Variants in LRMDA observed in about 807,000 individuals in gnomAD.
LRMDA encodes the protein leucine-rich melanocyte differentiation-associated protein.
LRMDA carries 18 observed loss-of-function variants against 29.8 expected under a neutral mutation model. That is an observed-to-expected ratio of 0.60 (90% CI 0.42 to 0.90). The LOEUF is 0.90. Among genes scored for constraint, LRMDA ranks in the 40% least tolerant of loss-of-function variants. The pLI is 0.00. For synonymous variants in LRMDA, 125 were observed against 109.4 expected (o/e 1.14, Z -0.89); for missense variants, 273 against 273.9 (o/e 1.00, Z 0.02).
intron 2 of LRMDA, among the ~76,000 whole-genome samples, chr10:75,748,804 A>G (rs1418375608): frequency 6.6e-6 from 1 of 152,244 alleles, no homozygotes; most frequent in Non-Finnish European, 1.5e-5. Flanking sequence ...TAAGACTCCT[A>G]TCTTCTAAAA....
At chr10:75,459,445 C>G (rs1003588784) in intron 2 of LRMDA, among the ~76,000 whole-genome samples, 9 of 152,174 alleles carry the variant, frequency 5.9e-5, no homozygotes, top group Non-Finnish European at 1.2e-4. Context: ...TATCACAGTG[C>G]TCAACTTCTC....
intron 2 of LRMDA, among the ~76,000 whole-genome samples, chr10:75,583,460 A>G (rs2132078577): frequency 6.6e-6 from 1 of 152,252 alleles, no homozygotes; most frequent in South Asian, 2.1e-4. Context: ...GGTAGCTGCT[A>G]CATACTTCTA....
chr10:75,969,389 CAT>C (rs1279952521), intron 2 of LRMDA, among the ~76,000 whole-genome samples: 1 of 152,196 alleles, frequency 6.6e-6, no homozygotes, highest in African/African-American at 2.4e-5. Flanking sequence ...AGAATTTTCA[CAT>C]GTGTTTAATC....
chr10:75,883,756 G>A (rs1845332574), intron 2 of LRMDA, among the ~76,000 whole-genome samples: 1 of 151,614 alleles, frequency 6.6e-6, no homozygotes, highest in Non-Finnish European at 1.5e-5. Flanking sequence ...TCAATTTAAT[G>A]ACGACAATTT....
chr10:76,147,542 C>CT (rs1181587294), intron 5 of LRMDA, among the ~76,000 whole-genome samples: 2 of 152,148 alleles, frequency 1.3e-5, no homozygotes, highest in African/African-American at 4.8e-5. Flanking sequence ...CCATCAGGTC[C>CT]TTTAAGGACT....
Position 75,649,143 on chromosome 10 carries a change from A to G in LRMDA, c.131+210649A>G, listed in dbSNP as rs921150426. On this transcript the variant is annotated intron_variant, in intron 2 of 6. Transcript: ENST00000611255. ...CTCCCCTTAGCCCCTAGCAACCACA[A>G]TTCTACTTTCTGGCTCTCTGAATTC... Among the ~76,000 whole-genome samples the G allele has an allele frequency of 5.3e-5, 8 of 152,218 alleles. 1 individual carries two copies. Among genetic ancestry groups the G allele is most frequent in the Admixed American group, 3.3e-4 (5 of 15,290 alleles).
chr10:75,792,460 T>G (rs1172895526), intron 2 of LRMDA, among the ~76,000 whole-genome samples: 2 of 152,178 alleles, frequency 1.3e-5, no homozygotes, highest in African/African-American at 4.8e-5. Flanking sequence ...AGATGGGGTT[T>G]CACCATGATG....
intron 2 of LRMDA, among the ~76,000 whole-genome samples, chr10:75,692,645 T>C (rs1842185743): frequency 6.6e-6 from 1 of 150,536 alleles, no homozygotes; most frequent in Non-Finnish European, 1.5e-5. Flanking sequence ...GATAGAATCT[T>C]GCCTATTCCA....
intron 5 of LRMDA, among the ~76,000 whole-genome samples, chr10:76,137,681 C>A (rs796314811): frequency 1.5e-4 from 23 of 149,946 alleles, no homozygotes; most frequent in African/African-American, 5.2e-4. Context: ...CAATGCTCAA[C>A]AAATGACTGA....
intron 2 of LRMDA, among the ~76,000 whole-genome samples, chr10:75,720,303 C>A (rs543591215): frequency 8.4e-4 from 128 of 152,264 alleles, no homozygotes; most frequent in African/African-American, 3.1e-3. Flanking sequence ...AACACACGGG[C>A]AGGAGACTGA....
intron 2 of LRMDA, among the ~76,000 whole-genome samples, chr10:75,508,929 C>A (rs1322476529): frequency 6.6e-6 from 1 of 152,132 alleles, no homozygotes; most frequent in Admixed American, 6.5e-5. Flanking sequence ...TTTCACCTGG[C>A]GTGCATCTTA....
At chr10:76,290,444 A>T (rs1840326401) in intron 5 of LRMDA, among the ~76,000 whole-genome samples, 1 of 116,312 alleles carries the variant, frequency 8.6e-6, no homozygotes, top group East Asian at 2.5e-4. Context: ...TTTGAGACAG[A>T]GTCTCACTCT....
At chr10:75,545,754 G>GCAGTATTAAGCTTGTTTCAGCTTA (rs1840073243) in intron 2 of LRMDA, among the ~76,000 whole-genome samples, 1 of 152,168 alleles carries the variant, frequency 6.6e-6, no homozygotes, top group Non-Finnish European at 1.5e-5. Context: ...TGTATTCTCT[G>GCAGTATTAAGCTTGTTTCAGCTTA]CAGTATTAAG....
At chr10:75,665,831 A>C (rs1289173788) in intron 2 of LRMDA, among the ~76,000 whole-genome samples, 1 of 152,184 alleles carries the variant, frequency 6.6e-6, no homozygotes, top group East Asian at 1.9e-4. Flanking sequence ...TAATGCAAAA[A>C]AATTTTTGCC....
chr10:75,468,549 A>G (rs955743700), intron 2 of LRMDA, among the ~76,000 whole-genome samples: 1 of 152,152 alleles, frequency 6.6e-6, no homozygotes, highest in African/African-American at 2.4e-5. Flanking sequence ...CTCATGGGTT[A>G]GAGGTGGTTT....
intron 5 of LRMDA, chr10:76,260,931 G>A (rs573567069): frequency 2.0e-5 from 3 of 152,082 alleles, no homozygotes; most frequent in Non-Finnish European, 4.4e-5. Flanking sequence ...TGATAAGATG[G>A]CCAATATCAG....
intron 5 of LRMDA, among the ~76,000 whole-genome samples, chr10:76,156,038 G>GA (rs202098462): frequency 8.5e-4 from 129 of 151,106 alleles, no homozygotes; most frequent in African/African-American, 2.6e-3. Flanking sequence ...CCTTTAACAG[G>GA]AAAAAAAAAT....
At chr10:76,396,675 T>C (rs1485256704) in intron 6 of LRMDA, 1 of 152,172 alleles carries the variant, frequency 6.6e-6, no homozygotes, top group Non-Finnish European at 1.5e-5. Flanking sequence ...AACTGACTTA[T>C]GGGAAGATAG....
chr10:75,985,088 A>G (rs1847240413), intron 2 of LRMDA, among the ~76,000 whole-genome samples: 1 of 152,080 alleles, frequency 6.6e-6, no homozygotes. Flanking sequence ...GGCTTGTTGG[A>G]GGGAGCGGGT....
Sources: allele counts gnomAD v4.1 joint callset (sites outside exome capture counted in the v4.1 genomes callset), GRCh38; gene constraint gnomAD v4.1.1; transcripts MANE v1.5; gene names NCBI Gene and HGNC (gene_info 2026-07-23, HGNC 2026-07-21).